GOLPH3L: variants seen among roughly 807,000 people sequenced by gnomAD.
GOLPH3L encodes the protein Golgi phosphoprotein 3-like.
A neutral mutation model predicts 30.3 loss-of-function variants in GOLPH3L; 22 were observed. The observed-to-expected ratio is 0.73, with a 90% CI of 0.52 to 1.04. GOLPH3L has a LOEUF of 1.04. GOLPH3L is among the 50% of genes least tolerant of loss of function. The probability of loss-of-function intolerance (pLI) is 0.00; values close to 1 mark genes in which losing one functional copy is unlikely to be tolerated. For synonymous variants in GOLPH3L, 120 were observed against 128.2 expected, an observed-to-expected ratio of 0.94 and a Z score of 0.43; for missense variants, 303 against 345.8, an observed-to-expected ratio of 0.88 and a Z score of 0.98.
At chr1:150,649,558 A>G (rs1650057818) in intron 4 of GOLPH3L, among the ~76,000 whole-genome samples, 1 of 152,214 alleles carries the variant, frequency 6.6e-6, no homozygotes, top group African/African-American at 2.4e-5. Context: ...TAACAGGCAG[A>G]ACCAGAGAAA....
intron 1 of GOLPH3L, among the ~76,000 whole-genome samples, 165 bp downstream of exon 1, chr1:150,696,824 AATT>A (rs1194412855): frequency 6.6e-6 from 1 of 152,102 alleles, no homozygotes; most frequent in African/African-American, 2.4e-5. Context: ...TTCTTTGAGA[AATT>A]AGTTTCATCT....
chr1:150,680,799 T>C (rs587626328), intron 2 of GOLPH3L, among the ~76,000 whole-genome samples: 1 of 152,302 alleles, frequency 6.6e-6, no homozygotes, highest in Admixed American at 6.5e-5. Context: ...AAAAACATAA[T>C]AATAATGGTT....
chr1:150,668,905 C>T (rs951939192), intron 2 of GOLPH3L, among the ~76,000 whole-genome samples: 3 of 152,130 alleles, frequency 2.0e-5, no homozygotes, highest in African/African-American at 7.2e-5. Context: ...CTTTTGTTGT[C>T]TCATTTCCTC....
At chr1:150,655,132 G>A (rs961549069) in intron 4 of GOLPH3L, among the ~76,000 whole-genome samples, 10 of 152,126 alleles carry the variant, frequency 6.6e-5, no homozygotes, top group African/African-American at 2.4e-4. Flanking sequence ...ACTGATAAAT[G>A]TCCTACCTGT....
At chr1:150,666,274 T>C (rs1650497136) in intron 2 of GOLPH3L, among the ~76,000 whole-genome samples, 1 of 152,192 alleles carries the variant, frequency 6.6e-6, no homozygotes, top group Admixed American at 6.6e-5. Context: ...TCAGTCTTTA[T>C]TTTAACCCCG....
At chr1:150,678,017 T>C (rs1424794768) in intron 2 of GOLPH3L, among the ~76,000 whole-genome samples, 3 of 151,480 alleles carry the variant, frequency 2.0e-5, no homozygotes, top group African/African-American at 7.3e-5. Context: ...AAGAGAAATG[T>C]GGCTGGGCAC....
intron 3 of GOLPH3L, among the ~76,000 whole-genome samples, chr1:150,663,189 A>G (rs945272154): frequency 6.6e-6 from 1 of 151,752 alleles, no homozygotes; most frequent in Non-Finnish European, 1.5e-5. Context: ...CGCCCGCCAC[A>G]ATGCCCCGCT....
intron 2 of GOLPH3L, among the ~76,000 whole-genome samples, chr1:150,687,285 A>G (rs1240079935): frequency 6.6e-6 from 1 of 152,130 alleles, no homozygotes; most frequent in Non-Finnish European, 1.5e-5. Flanking sequence ...CTGATTTTAA[A>G]AACCTTTTTG....
At position 150,697,084 on chromosome 1, in the gene GOLPH3L, A is replaced by G. The variant is rs587754768; in HGVS notation, c.-105T>C. The G allele has an allele frequency of 6.7e-6, 1 of 150,166 alleles. No homozygotes were observed. The highest frequency in any genetic ancestry group is 2.0e-4 in the East Asian group (1 of 5,046). 9.3% of individuals were successfully genotyped at this position (150,166 alleles called of 1,614,324 possible). A position where few individuals can be genotyped will look rare whatever the true frequency, so the allele number is the denominator to read the frequency against. ...GTTCTCCCCACCCCACCCCCGTCCTAGTAGGTGAAAAACTTAGCCACGCAG... is the reference window on the plus strand; with the variant it reads ...GTTCTCCCCACCCCACCCCCGTCCTGGTAGGTGAAAAACTTAGCCACGCAG... On this transcript the variant is annotated 5_prime_UTR_variant, in exon 1 of 5. Transcript: ENST00000271732.
At chr1:150,659,851 T>G (rs778930665) in intron 4 of GOLPH3L, among the ~76,000 whole-genome samples, 75 of 151,940 alleles carry the variant, frequency 4.9e-4, no homozygotes, top group Non-Finnish European at 9.6e-4. Flanking sequence ...CTGGGTGACA[T>G]AGCAAAACCC....
chr1:150,694,695 A>G lies in GOLPH3L; in HGVS notation c.144T>C (p.Leu48=), dbSNP rs780942795. 6.2e-7 allele frequency: 1 copy of G among 1,609,090 alleles called. No homozygotes were observed. The highest frequency in any genetic ancestry group is 8.5e-7 in the Non-Finnish European group (1 of 1,177,848). Residue 48 remains leucine, a synonymous_variant, in exon 2 of 5, where the codon CTT becomes CTC. Transcript: ENST00000271732. ...SGDSKDIRLT[L]MEEVLLLGLK... is the part of the protein sequence containing the mutation. ...GTCCCAGAAGCAATACTTCTTCCATAAGAGTAAGGCGGATATCCTTAGAGT... is the reference window on the plus strand; with the variant it reads ...GTCCCAGAAGCAATACTTCTTCCATGAGAGTAAGGCGGATATCCTTAGAGT...
At chr1:150,683,699 CAA>C (rs397981524) in intron 2 of GOLPH3L, among the ~76,000 whole-genome samples, 37 of 14,932 alleles carry the variant, frequency 2.5e-3, no homozygotes, top group African/African-American at 7.2e-3. Flanking sequence ...GACTCTCTCT[CAA>C]AAAAAAAAAA....
intron 4 of GOLPH3L, among the ~76,000 whole-genome samples, chr1:150,660,777 G>C (rs965280648): frequency 3.3e-5 from 5 of 152,132 alleles, no homozygotes; most frequent in Admixed American, 6.6e-5. Context: ...CCAGGGACTG[G>C]GGGGAGAGAG....
intron 2 of GOLPH3L, among the ~76,000 whole-genome samples, chr1:150,664,904 G>A (rs1163460162): frequency 6.6e-6 from 1 of 152,128 alleles, no homozygotes; most frequent in Non-Finnish European, 1.5e-5. Context: ...AGGGTTACAT[G>A]AGATACAATA....
intron 1 of GOLPH3L, among the ~76,000 whole-genome samples, chr1:150,695,089 T>C (rs587683067): frequency 6.6e-6 from 1 of 152,262 alleles, no homozygotes; most frequent in East Asian, 1.9e-4. Context: ...AATTCTAAAG[T>C]CCAGTAGAAA....
At chr1:150,693,819 G>GTATATATA (rs1175095529) in intron 2 of GOLPH3L, among the ~76,000 whole-genome samples, 2 of 86,862 alleles carry the variant, frequency 2.3e-5, no homozygotes, top group African/African-American at 1.0e-4. Context: ...GTGTGTGTGT[G>GTATATATA]TATATATATA....
At chr1:150,656,384 T>A (rs1319126089) in intron 4 of GOLPH3L, among the ~76,000 whole-genome samples, 1 of 152,136 alleles carries the variant, frequency 6.6e-6, no homozygotes, top group Non-Finnish European at 1.5e-5. Flanking sequence ...GCTCTAGGCA[T>A]CCCTACCTAT....
At chr1:150,686,478 T>G (rs1281930246) in intron 2 of GOLPH3L, among the ~76,000 whole-genome samples, 2 of 152,174 alleles carry the variant, frequency 1.3e-5, no homozygotes, top group African/African-American at 2.4e-5. Context: ...CTGCTGGGAA[T>G]ACAGGCAGTG....
At position 150,656,478 on chromosome 1, in the gene GOLPH3L, G is replaced by C. The variant is rs587674798; in HGVS notation, c.430+5336C>G. The stretch of plus-strand genomic sequence containing the variant: ...AATTAACAAAAGAAGCTGAGGCAGA[G>C]CTGCAGCAAATCGAAAAGCAAGTCC... On this transcript the variant is annotated intron_variant, in intron 4 of 4. Coordinates refer to ENST00000271732, the MANE Select transcript of GOLPH3L (RefSeq NM_018178.6). Among the ~76,000 whole-genome samples, 323 of 152,242 alleles carry C rather than the reference G, an allele frequency of 2.1e-3. 1 individual carries two copies. The highest frequency in any genetic ancestry group is 3.7e-3 in the Non-Finnish European group (249 of 67,998).
Sources: gnomAD v4.1 joint callset for allele counts (sites outside exome capture counted in the v4.1 genomes callset) on GRCh38, gnomAD v4.1.1 for gene constraint, MANE v1.5 for transcripts, NCBI Gene and HGNC (gene_info 2026-07-23, HGNC 2026-07-21) for gene names.